Variants in RARB observed in about 807,000 individuals in gnomAD.
RARB encodes retinoic acid receptor beta, also known as HBV-activated protein.
RARB carries 17 observed loss-of-function variants against 51.9 expected under a neutral mutation model. The ratio of observed to expected loss-of-function variants is 0.33; its 90% CI spans 0.22 to 0.49. RARB has a LOEUF of 0.49. RARB is among the 20% of genes least tolerant of loss of function. The probability of loss-of-function intolerance (pLI) is 0.99; values close to 1 mark genes in which losing one functional copy is unlikely to be tolerated. For synonymous variants in RARB, 215 were observed against 195.4 expected, an observed-to-expected ratio of 1.10 and a Z score of -0.84; for missense variants, 369 against 550.8, an observed-to-expected ratio of 0.67 and a Z score of 3.30.
chr3:25,182,767 G>A (rs1231545128), intron 5 of RARB, among the ~76,000 whole-genome samples: 1 of 152,150 alleles, frequency 6.6e-6, no homozygotes, highest in Admixed American at 6.5e-5. Context: ...AGATGTTGAA[G>A]CCTTTACCCC....
At chr3:25,199,987 G>T (rs1436802464) in intron 5 of RARB, among the ~76,000 whole-genome samples, 10 of 152,072 alleles carry the variant, frequency 6.6e-5, no homozygotes, top group Non-Finnish European at 1.0e-4. Context: ...GGTCAAATGG[G>T]ATTTCTAGTT....
At chr3:25,149,796 T>C (rs2125340935) in intron 4 of RARB, among the ~76,000 whole-genome samples, 1 of 152,370 alleles carries the variant, frequency 6.6e-6, no homozygotes, top group East Asian at 1.9e-4. Flanking sequence ...TGTCATTCTT[T>C]GGCTACAACT....
intron 3 of RARB, among the ~76,000 whole-genome samples, chr3:25,103,482 A>G (rs1428952346): frequency 6.6e-6 from 1 of 152,206 alleles, no homozygotes; most frequent in Non-Finnish European, 1.5e-5. Context: ...TTGATGACTC[A>G]TTCACTGCCT....
At chr3:25,581,602 C>A (rs778999096) in intron 5 of RARB, among the ~76,000 whole-genome samples, 4 of 152,162 alleles carry the variant, frequency 2.6e-5, no homozygotes, top group Non-Finnish European at 4.4e-5. Context: ...CGTGCTATGA[C>A]TGAATATTTG....
chr3:25,127,918 A>G (rs1699887656), intron 3 of RARB, among the ~76,000 whole-genome samples: 1 of 152,136 alleles, frequency 6.6e-6, no homozygotes, highest in Non-Finnish European at 1.5e-5. Context: ...TTGAAAAACA[A>G]AAAAGCCACC....
intron 7 of RARB, 21 bp from the exon 8 acceptor site, chr3:25,596,399 T>C (rs767981156): frequency 3.2e-6 from 5 of 1,581,586 alleles, no homozygotes; most frequent in Middle Eastern, 1.7e-4. Flanking sequence ...TAACCATATT[T>C]CCATTATCTC....
chr3:25,190,368 C>G (rs1172570993), intron 5 of RARB, among the ~76,000 whole-genome samples: 1 of 151,944 alleles, frequency 6.6e-6, no homozygotes, highest in Non-Finnish European at 1.5e-5. Flanking sequence ...ATAATGCCTT[C>G]TTTTGTGTAC....
At chr3:25,353,298 A>G (rs750645092) in intron 5 of RARB, among the ~76,000 whole-genome samples, 14 of 152,166 alleles carry the variant, frequency 9.2e-5, no homozygotes, top group Non-Finnish European at 1.9e-4. Flanking sequence ...AACCTGCTGA[A>G]TTAATTTTAT....
intron 4 of RARB, among the ~76,000 whole-genome samples, chr3:25,166,964 A>G (rs913545813): frequency 6.6e-6 from 1 of 152,196 alleles, no homozygotes; most frequent in Admixed American, 6.5e-5. Context: ...ACACATCCCC[A>G]TGGCATGTCC....
intron 2 of RARB, among the ~76,000 whole-genome samples, chr3:24,957,810 T>C (rs1696049345): frequency 6.6e-6 from 1 of 151,770 alleles, no homozygotes; most frequent in Middle Eastern, 3.2e-3. Context: ...TAGAAAAGAG[T>C]GGGTAGGCAG....
intron 1 of RARB, among the ~76,000 whole-genome samples, chr3:25,439,481 C>A (rs149171761): frequency 1.4e-3 from 214 of 152,288 alleles, no homozygotes; most frequent in African/African-American, 4.8e-3. Context: ...TCTCAGCTCA[C>A]TGCAGCCTCA....
In RARB at chr3:25,433,967, A is replaced by G. The variant is rs529493100; in HGVS notation, c.157+5079A>G. Among the ~76,000 whole-genome samples the G allele has an allele frequency of 3.5e-4, 53 of 152,340 alleles. 2 individuals are homozygous for G. The South Asian group carries it at 0.011, about 32-fold the overall frequency. The stretch of plus-strand genomic sequence containing the variant: ...GAGCTTCTTAGATGGGAAGTCAAAC[A>G]GGCAATGGAACTGCTGACTTGCTCT... On this transcript the variant is annotated intron_variant, in intron 1 of 7. Transcript: ENST00000330688.
chr3:25,279,211 A>G (rs1006674986), intron 5 of RARB, among the ~76,000 whole-genome samples: 4 of 152,202 alleles, frequency 2.6e-5, no homozygotes, highest in South Asian at 4.1e-4. Flanking sequence ...TTATTGTAAA[A>G]TCAACACTGA....
chr3:25,582,629 C>T (rs1038953014), intron 5 of RARB, among the ~76,000 whole-genome samples: 3 of 152,022 alleles, frequency 2.0e-5, no homozygotes, highest in African/African-American at 7.3e-5. Context: ...GTGCAGTCTC[C>T]ACAAGATTTA....
intron 2 of RARB, among the ~76,000 whole-genome samples, chr3:24,893,210 G>A (rs1703417139): frequency 6.6e-6 from 1 of 152,186 alleles, no homozygotes; most frequent in East Asian, 1.9e-4. Context: ...GGGAGATTGT[G>A]TTACCAATTC....
chr3:25,501,541 A>G (rs1186119629), intron 3 of RARB, among the ~76,000 whole-genome samples: 2 of 152,222 alleles, frequency 1.3e-5, no homozygotes, highest in Non-Finnish European at 2.9e-5. Context: ...CGTGGATGTC[A>G]GATTTGTATT....
At chr3:24,955,457 G>C (rs1014913782) in intron 2 of RARB, among the ~76,000 whole-genome samples, 3 of 152,164 alleles carry the variant, frequency 2.0e-5, no homozygotes, top group African/African-American at 7.2e-5. Context: ...CCAGGTTTGA[G>C]GGTGGGGCCT....
At chr3:25,018,334 C>CCCCCTCT (rs1697558967) in intron 2 of RARB, among the ~76,000 whole-genome samples, 1 of 152,166 alleles carries the variant, frequency 6.6e-6, no homozygotes, top group East Asian at 1.9e-4. Context: ...GCAGTATAAT[C>CCCCCTCT]ATTCTTCCCC....
At chr3:25,240,132 GGTTA>G (rs1702396815) in intron 5 of RARB, among the ~76,000 whole-genome samples, 2 of 150,780 alleles carry the variant, frequency 1.3e-5, no homozygotes, top group African/African-American at 4.9e-5. Flanking sequence ...TTTCATTCTC[GGTTA>G]GTTCATCATT....
Sources: gnomAD v4.1 joint callset for allele counts (sites outside exome capture counted in the v4.1 genomes callset) on GRCh38, gnomAD v4.1.1 for gene constraint, MANE v1.5 for transcripts, NCBI Gene and HGNC (gene_info 2026-07-23, HGNC 2026-07-21) for gene names.